UBE2E2: variants seen among roughly 807,000 people sequenced by gnomAD.
The protein encoded by UBE2E2 is ubiquitin conjugating enzyme E2 E2.
In UBE2E2, 6 loss-of-function variants were observed where a neutral mutation model predicts 24.7. The observed-to-expected ratio is 0.24, with a 90% CI of 0.13 to 0.48. The LOEUF is 0.48. UBE2E2 is among the 20% of genes least tolerant of loss of function. UBE2E2 has a pLI of 0.99. For synonymous variants in UBE2E2, 104 were observed against 83.6 expected (o/e 1.24, Z -1.33); for missense variants, 169 against 245.0 (o/e 0.69, Z 2.07).
chr3:23,203,492 C>T lies in UBE2E2; in HGVS notation c.-9+28C>T, dbSNP rs1029583798. ...ATTCGCTCGGGCCGCGCCGGTGCCTCCCCTCCTCGGGCGTCCTCCCTCTCG... is the reference window on the plus strand; with the variant it reads ...ATTCGCTCGGGCCGCGCCGGTGCCTTCCCTCCTCGGGCGTCCTCCCTCTCG... On this transcript the variant is annotated intron_variant, in intron 1 of 5. Coordinates refer to ENST00000396703, the MANE Select transcript of UBE2E2 (RefSeq NM_152653.4). 8.2e-6 allele frequency: 8 copies of T among 977,098 alleles called. No individual in the cohort carries two copies. In the African/African-American group the frequency reaches 1.3e-4, roughly 16 times the overall value. 60.5% of individuals were successfully genotyped at this position (977,098 alleles called of 1,614,324 possible).
chr3:23,455,832 A>T (rs994730660), intron 3 of UBE2E2, among the ~76,000 whole-genome samples: 4 of 152,202 alleles, frequency 2.6e-5, no homozygotes, highest in Non-Finnish European at 5.9e-5. Context: ...TGGTTGCTGA[A>T]GGCTGGAGTA....
chr3:23,566,577 A>G (rs1266766091), intron 5 of UBE2E2, among the ~76,000 whole-genome samples: 1 of 152,208 alleles, frequency 6.6e-6, no homozygotes, highest in Admixed American at 6.5e-5. Context: ...TGCTTCTGGA[A>G]GGGCCTCAGG....
intron 5 of UBE2E2, among the ~76,000 whole-genome samples, chr3:23,545,753 G>A (rs1381399301): frequency 2.0e-5 from 3 of 152,040 alleles, no homozygotes; most frequent in East Asian, 3.8e-4. Context: ...CAAAGATATG[G>A]AACCAATCTA....
At chr3:23,328,547 C>T (rs1328016737) in intron 3 of UBE2E2, among the ~76,000 whole-genome samples, 1 of 152,010 alleles carries the variant, frequency 6.6e-6, no homozygotes, top group Admixed American at 6.6e-5. Context: ...TATATAAATG[C>T]ATTTTTGACT....
At chr3:23,504,089 A>G (rs571333367) in intron 4 of UBE2E2, among the ~76,000 whole-genome samples, 14 of 152,228 alleles carry the variant, frequency 9.2e-5, no homozygotes, top group African/African-American at 2.9e-4. Flanking sequence ...TGTTTCCTTC[A>G]TTTGTATCAT....
At chr3:23,498,525 T>C (rs954193090) in intron 3 of UBE2E2, among the ~76,000 whole-genome samples, 1 of 152,230 alleles carries the variant, frequency 6.6e-6, no homozygotes, top group Middle Eastern at 3.2e-3. Flanking sequence ...TGACATTTGA[T>C]ATCAGGTCTC....
intron 5 of UBE2E2, among the ~76,000 whole-genome samples, chr3:23,587,526 G>A (rs1696654922): frequency 6.6e-6 from 1 of 152,138 alleles, no homozygotes; most frequent in South Asian, 2.1e-4. Flanking sequence ...CACCTATCTT[G>A]AGTGATACAG....
chr3:23,504,047 A>T (rs531569976), intron 4 of UBE2E2, among the ~76,000 whole-genome samples: 1 of 152,202 alleles, frequency 6.6e-6, no homozygotes, highest in African/African-American at 2.4e-5. Flanking sequence ...CTGATTATTC[A>T]TGCCATTTAG....
intron 3 of UBE2E2, among the ~76,000 whole-genome samples, chr3:23,399,273 C>T (rs889445790): frequency 2.0e-5 from 3 of 152,156 alleles, no homozygotes; most frequent in Non-Finnish European, 2.9e-5. Context: ...AAATTGCCAG[C>T]ATCATTTGCA....
intron 4 of UBE2E2, among the ~76,000 whole-genome samples, chr3:23,523,159 T>A (rs1694907672): frequency 6.6e-6 from 1 of 152,218 alleles, no homozygotes; most frequent in Non-Finnish European, 1.5e-5. Flanking sequence ...ACATTCTATA[T>A]AAACTGAATT....
chr3:23,352,403 T>C (rs879477649), intron 3 of UBE2E2, among the ~76,000 whole-genome samples: 19 of 151,678 alleles, frequency 1.3e-4, no homozygotes, highest in Middle Eastern at 3.4e-3. Context: ...CTGAAGGAAA[T>C]AGAGACACAA....
Position 23,402,018 on chromosome 3 carries a change from G to A in UBE2E2, c.228-97590G>A, listed in dbSNP as rs146503561. On this transcript the variant is annotated intron_variant, in intron 3 of 5. Coordinates refer to ENST00000396703, the MANE Select transcript of UBE2E2 (RefSeq NM_152653.4). ...ATTACAGGCGTGCACTACCACGCCCGGCTAATTTGTGTATTTTTAGTAGAA... is the reference window on the plus strand; with the variant it reads ...ATTACAGGCGTGCACTACCACGCCCAGCTAATTTGTGTATTTTTAGTAGAA... Among the ~76,000 whole-genome samples the A allele has an allele frequency of 6.8e-4, 103 of 151,966 alleles. 2 individuals are homozygous for A. In the East Asian group the frequency reaches 0.015, roughly 22 times the overall value.
At chr3:23,481,318 A>C (rs1692647) in intron 3 of UBE2E2, among the ~76,000 whole-genome samples, 42,909 of 152,180 alleles carry the variant, frequency 0.28, 6,375 homozygotes, top group African/African-American at 0.38. Context: ...TTTTACAAGT[A>C]GTAGCAATTT....
At chr3:23,504,058 G>A (rs1229357798) in intron 4 of UBE2E2, among the ~76,000 whole-genome samples, 2 of 151,992 alleles carry the variant, frequency 1.3e-5, no homozygotes, top group South Asian at 2.1e-4. Context: ...TGCCATTTAG[G>A]TATATCTGTT....
rs189917478 is a variant in UBE2E2 at position 23,393,574 on chromosome 3, T to G, written c.228-106034T>G. On this transcript the variant is annotated intron_variant, in intron 3 of 5. Coordinates refer to ENST00000396703, the MANE Select transcript of UBE2E2 (RefSeq NM_152653.4). Reference sequence around the variant, plus strand: ...TGTGATTTGAATGCACAGTAAAGTTTGAGAACCACTGTTTTAGAGGCACGG... The same window carrying G: ...TGTGATTTGAATGCACAGTAAAGTTGGAGAACCACTGTTTTAGAGGCACGG... Among the ~76,000 whole-genome samples, 9 of 152,270 alleles carry G rather than the reference T, an allele frequency of 5.9e-5. No homozygotes were observed. The East Asian group carries it at 1.7e-3, about 29-fold the overall frequency.
intron 3 of UBE2E2, among the ~76,000 whole-genome samples, chr3:23,387,478 G>A (rs1696830102): frequency 2.0e-5 from 3 of 152,040 alleles, no homozygotes; most frequent in Admixed American, 2.0e-4. Flanking sequence ...TTATCTATAG[G>A]ACACAGTTTT....
At chr3:23,417,363 G>C (rs2125387453) in intron 3 of UBE2E2, among the ~76,000 whole-genome samples, 1 of 152,284 alleles carries the variant, frequency 6.6e-6, no homozygotes, top group African/African-American at 2.4e-5. Flanking sequence ...TGTTTGCCTG[G>C]GTATCATCAG....
rs1390875637 is a variant in UBE2E2, at chr3:23,328,820, C to T, written c.227+111508C>T. The stretch of plus-strand genomic sequence containing the variant: ...GGGATTACAGGTGCCCGCCACCATG[C>T]CCGGCTGATTTTTATATTTTTTGTA... On this transcript the variant is annotated intron_variant, in intron 3 of 5. Transcript: ENST00000396703. Among the ~76,000 whole-genome samples, 6 of 152,120 alleles carry T rather than the reference C, an allele frequency of 3.9e-5. No individual in the cohort carries two copies. In the South Asian group the frequency reaches 1.0e-3, roughly 26 times the overall value.
chr3:23,589,582 G>A lies in UBE2E2; in HGVS notation c.509-152G>A. 2 of 664,078 alleles carry A rather than the reference G, an allele frequency of 3.0e-6. No individual in the cohort carries two copies. Among genetic ancestry groups the A allele is most frequent in the Non-Finnish European group, 2.6e-6 (1 of 378,580 alleles). 41.1% of individuals were successfully genotyped at this position (664,078 alleles called of 1,614,324 possible). On this transcript the variant is annotated intron_variant, in intron 5 of 5. Coordinates refer to ENST00000396703, the MANE Select transcript of UBE2E2 (RefSeq NM_152653.4). The surrounding 1 kb of genome is among the most constrained non-coding windows in gnomAD (Gnocchi z 4.1). ...AGCTGGTGTGAAATGTAGTCTGTCA[G>A]CAGCAGGTGACTGGCTCAGCCGCAG...
Sources: gnomAD v4.1 joint callset for allele counts (sites outside exome capture counted in the v4.1 genomes callset) on GRCh38, gnomAD v4.1.1 for gene constraint, Gnocchi (gnomAD v3.1) non-coding constraint, MANE v1.5 for transcripts, NCBI Gene and HGNC (gene_info 2026-07-23, HGNC 2026-07-21) for gene names.